Variants in RBFOX1 observed in about 807,000 individuals in gnomAD.
The protein encoded by RBFOX1 is RNA binding fox-1 homolog 1.
In RBFOX1, 8 loss-of-function variants were observed where a neutral mutation model predicts 57.7. The observed-to-expected ratio is 0.14, with a 90% confidence interval of 0.08 to 0.25. RBFOX1 has a LOEUF of 0.25. RBFOX1 is among the 10% of genes least tolerant of loss of function. RBFOX1 has a pLI of 1.00. For synonymous variants in RBFOX1, 326 were observed against 222.4 expected (o/e 1.47, Z -4.15); for missense variants, 611 against 548.5 (o/e 1.11, Z -1.14).
chr16:7,517,071 C>G (rs368565810), intron 4 of RBFOX1, among the ~76,000 whole-genome samples: 4 of 151,764 alleles, frequency 2.6e-5, no homozygotes, highest in Non-Finnish European at 4.4e-5. Context: ...CTCTGTCTTT[C>G]TGACTGTGTG....
intron 3 of RBFOX1, among the ~76,000 whole-genome samples, chr16:6,791,825 C>T (rs1459226825): frequency 2.0e-5 from 3 of 152,150 alleles, no homozygotes; most frequent in Admixed American, 1.3e-4. Flanking sequence ...ACAGTCATAC[C>T]TCCAGGAAGG....
intron 2 of RBFOX1, among the ~76,000 whole-genome samples, chr16:6,340,911 A>C (rs1003954280): frequency 6.6e-6 from 1 of 152,100 alleles, no homozygotes; most frequent in Non-Finnish European, 1.5e-5. Context: ...AGGTAACAGC[A>C]CTTCTGGGGA....
intron 1 of RBFOX1, among the ~76,000 whole-genome samples, chr16:6,275,447 A>G (rs2075701855): frequency 6.6e-6 from 1 of 152,196 alleles, no homozygotes; most frequent in South Asian, 2.1e-4. Flanking sequence ...CACACACCTG[A>G]TCTCATTCGC....
chr16:5,690,628 A>G (rs936359087), intron 3 of RBFOX1, among the ~76,000 whole-genome samples: 12 of 152,172 alleles, frequency 7.9e-5, no homozygotes, highest in Admixed American at 7.9e-4. Context: ...ACTCGATTTT[A>G]CTTCCCTCTG....
chr16:7,234,824 C>T (rs2093689056), intron 4 of RBFOX1, among the ~76,000 whole-genome samples: 1 of 151,892 alleles, frequency 6.6e-6, no homozygotes, highest in Non-Finnish European at 1.5e-5. Context: ...GCAAGGCACC[C>T]CATTTTTGGT....
At chr16:7,400,656 C>T (rs2098226187) in intron 4 of RBFOX1, among the ~76,000 whole-genome samples, 1 of 152,148 alleles carries the variant, frequency 6.6e-6, no homozygotes, top group South Asian at 2.1e-4. Flanking sequence ...ATTCTTCAGC[C>T]ATTTGGAGGT....
chr16:6,867,924 G>C (rs762978607), intron 3 of RBFOX1, among the ~76,000 whole-genome samples: 1 of 152,004 alleles, frequency 6.6e-6, no homozygotes, highest in Non-Finnish European at 1.5e-5. Context: ...ATCAAATATA[G>C]AAGCCAAGCG....
chr16:5,735,622 C>T (rs2052543178), intron 3 of RBFOX1, among the ~76,000 whole-genome samples: 1 of 152,106 alleles, frequency 6.6e-6, no homozygotes, highest in Non-Finnish European at 1.5e-5. Context: ...ATGGGCCGGG[C>T]CCAGTGGTTC....
At chr16:6,890,631 G>T (rs1366763333) in intron 3 of RBFOX1, among the ~76,000 whole-genome samples, 3 of 152,176 alleles carry the variant, frequency 2.0e-5, no homozygotes, top group African/African-American at 4.8e-5. Flanking sequence ...GTTGGTGTTT[G>T]TAACAGTCTT....
intron 1 of RBFOX1, among the ~76,000 whole-genome samples, chr16:5,324,405 G>T (rs549074968): frequency 5.3e-5 from 8 of 152,306 alleles, no homozygotes; most frequent in African/African-American, 1.9e-4. Flanking sequence ...AGAGGTTGCA[G>T]TGAGCCAAGA....
intron 1 of RBFOX1, among the ~76,000 whole-genome samples, chr16:6,063,772 G>A (rs1350634299): frequency 6.6e-6 from 1 of 152,110 alleles, no homozygotes; most frequent in Non-Finnish European, 1.5e-5. Flanking sequence ...TCCCTCTTGG[G>A]TGGACTCCAA....
At chr16:7,530,907 T>C (rs371021774) in intron 5 of RBFOX1, among the ~76,000 whole-genome samples, 124 of 152,130 alleles carry the variant, frequency 8.2e-4, no homozygotes, top group African/African-American at 2.7e-3. Context: ...ACCCAGAAAA[T>C]AAGCCTTCAC....
intron 2 of RBFOX1, among the ~76,000 whole-genome samples, chr16:6,584,340 CATT>C (rs3045200): frequency 0.34 from 47,007 of 136,476 alleles, 8,049 homozygotes; most frequent in Admixed American, 0.38. Flanking sequence ...GTTTTATTTT[CATT>C]ATTATTATTA....
chr16:6,030,263 G>T (rs1596509934), intron 1 of RBFOX1, among the ~76,000 whole-genome samples: 2 of 152,250 alleles, frequency 1.3e-5, no homozygotes, highest in Admixed American at 1.3e-4. Context: ...TACTGTGTTA[G>T]CTTTGGTTTC....
chr16:7,701,169 G>A lies in RBFOX1; in HGVS notation c.996-7887G>A, dbSNP rs181785159. On this transcript the variant is annotated intron_variant, in intron 14 of 15. Coordinates refer to ENST00000550418, the MANE Select transcript of RBFOX1 (RefSeq NM_018723.4). ...TCAGCAGCAATGAAACTCAAACAGA[G>A]CCAAGTAGAGATGACTCCATGTTAT... Among the ~76,000 whole-genome samples the A allele has an allele frequency of 9.8e-4, 144 of 146,624 alleles. 4 individuals carry two copies. In the East Asian group the frequency reaches 0.025, roughly 26 times the overall value.
At chr16:6,917,144 C>T (rs748345568) in intron 3 of RBFOX1, among the ~76,000 whole-genome samples, 1 of 152,142 alleles carries the variant, frequency 6.6e-6, no homozygotes, top group East Asian at 1.9e-4. Flanking sequence ...AGCCACTGTA[C>T]CCAGCCTGCA....
chr16:5,890,206 C>T (rs61602208), intron 4 of RBFOX1, among the ~76,000 whole-genome samples: 1 of 152,048 alleles, frequency 6.6e-6, no homozygotes, highest in African/African-American at 2.4e-5. Flanking sequence ...CTCTTTAAGC[C>T]TCTTGTCCTC....
chr16:5,666,667 T>C (rs1309411910), intron 3 of RBFOX1, among the ~76,000 whole-genome samples: 1 of 152,190 alleles, frequency 6.6e-6, no homozygotes, highest in Non-Finnish European at 1.5e-5. Flanking sequence ...CCACTTTAGA[T>C]AGATAAAGAA....
chr16:7,004,787 C>G (rs1039987307), intron 3 of RBFOX1, among the ~76,000 whole-genome samples: 14 of 152,216 alleles, frequency 9.2e-5, no homozygotes, highest in East Asian at 5.8e-4. Context: ...TTAAGATAAC[C>G]TAATCCACGT....
Sources: gnomAD v4.1 joint callset for allele counts (sites outside exome capture counted in the v4.1 genomes callset) on GRCh38, gnomAD v4.1.1 for gene constraint, MANE v1.5 for transcripts, NCBI Gene and HGNC (gene_info 2026-07-23, HGNC 2026-07-21) for gene names.